Variants in BCKDHB observed in about 807,000 individuals in gnomAD.
BCKDHB encodes branched chain keto acid dehydrogenase E1 subunit beta.
In BCKDHB, 41 loss-of-function variants were observed where a neutral mutation model predicts 48.5. The observed-to-expected ratio is 0.85, with a 90% CI of 0.66 to 1.10. The LOEUF is 1.10. Among genes scored for constraint, BCKDHB ranks in the 50% least tolerant of loss-of-function variants. BCKDHB has a pLI of 0.00. For synonymous variants in BCKDHB, 201 were observed against 174.8 expected, an observed-to-expected ratio of 1.15 and a Z score of -1.18; for missense variants, 496 against 494.2, an observed-to-expected ratio of 1.00 and a Z score of -0.03.
intron 9 of BCKDHB, among the ~76,000 whole-genome samples, chr6:80,277,597 T>C (rs1190572943): frequency 6.6e-6 from 1 of 151,934 alleles, no homozygotes. Flanking sequence ...TCTCCTGCTT[T>C]GGATTCAGTG....
chr6:80,406,778 T>A, the BCKDHB span, among the ~76,000 whole-genome samples: 1 of 152,254 alleles, frequency 6.6e-6, no homozygotes, highest in Non-Finnish European at 1.5e-5. Flanking sequence ...ATAGGTAGAT[T>A]GCAAAAATTT....
chr6:80,440,840 A>G, the BCKDHB span: 1 of 152,110 alleles, frequency 6.6e-6, no homozygotes, highest in African/African-American at 2.4e-5. Flanking sequence ...GACTGATGAT[A>G]AGGTTCGGAG....
At chr6:80,150,142 C>T (rs1301751320) in intron 3 of BCKDHB, among the ~76,000 whole-genome samples, 3 of 152,116 alleles carry the variant, frequency 2.0e-5, no homozygotes, top group Non-Finnish European at 2.9e-5. Flanking sequence ...CTCTGTCCCT[C>T]AGAAGGCCCT....
intron 8 of BCKDHB, among the ~76,000 whole-genome samples, chr6:80,210,231 G>T (rs7771726): frequency 0.083 from 12,248 of 147,850 alleles, 561 homozygotes; most frequent in South Asian, 0.11. Context: ...ACTAGAGAAT[G>T]GATCAATAAT....
At chr6:80,339,792 T>C (rs1769798326) in intron 9 of BCKDHB, among the ~76,000 whole-genome samples, 1 of 152,242 alleles carries the variant, frequency 6.6e-6, no homozygotes, top group Admixed American at 6.5e-5. Flanking sequence ...TGTCAAACCT[T>C]GATAATCCAA....
At chr6:80,426,748 T>C in the BCKDHB span, among the ~76,000 whole-genome samples, 1 of 152,268 alleles carries the variant, frequency 6.6e-6, no homozygotes, top group African/African-American at 2.4e-5. Context: ...AGAATATAGT[T>C]TATTTTGTAA....
intron 8 of BCKDHB, among the ~76,000 whole-genome samples, chr6:80,270,283 C>T (rs1777681891): frequency 6.6e-6 from 1 of 152,052 alleles, no homozygotes; most frequent in Admixed American, 6.6e-5. Context: ...TGACATAATA[C>T]ATTTTAATAC....
chr6:80,396,113 C>T, the BCKDHB span, among the ~76,000 whole-genome samples: 3 of 152,210 alleles, frequency 2.0e-5, no homozygotes, highest in South Asian at 2.1e-4. Flanking sequence ...GTGGTTGGAG[C>T]TCCCACACAG....
At chr6:80,232,884 A>C (rs1024595997) in intron 8 of BCKDHB, among the ~76,000 whole-genome samples, 17 of 151,844 alleles carry the variant, frequency 1.1e-4, no homozygotes, top group African/African-American at 3.9e-4. Context: ...AAATTGCTTG[A>C]GTCTTTTAAT....
Position 80,229,453 on chromosome 6 carries a change from C to T in BCKDHB, c.951+26241C>T, listed in dbSNP as rs144417480. Among the ~76,000 whole-genome samples the T allele has an allele frequency of 4.6e-5, 7 of 152,038 alleles. No individual in the cohort carries two copies. In the East Asian group the frequency reaches 1.2e-3, roughly 25 times the overall value. On this transcript the variant is annotated intron_variant, in intron 8 of 9. Coordinates refer to ENST00000320393, the MANE Select transcript of BCKDHB (RefSeq NM_183050.4). ...TATGTTTGTCCTATTGGAGGAACAG[C>T]AATAAGCTTGGTGTGGTTGTAGTCG...
At chr6:80,356,960 C>G in the BCKDHB span, 1 of 132,842 alleles carries the variant, frequency 7.5e-6, no homozygotes, top group African/African-American at 3.0e-5. Context: ...CCGCCCCCCC[C>G]CCACACACAC....
At chr6:80,436,345 G>A in the BCKDHB span, among the ~76,000 whole-genome samples, 1 of 151,644 alleles carries the variant, frequency 6.6e-6, no homozygotes, top group Non-Finnish European at 1.5e-5. Flanking sequence ...TGTATTTTTA[G>A]TAGAGATGGG....
At chr6:80,211,826 G>A (rs1214217911) in intron 8 of BCKDHB, among the ~76,000 whole-genome samples, 4 of 152,120 alleles carry the variant, frequency 2.6e-5, no homozygotes, top group African/African-American at 9.7e-5. Context: ...CTGGGCCACC[G>A]GGGGTGACAT....
rs71553605 is a variant in BCKDHB at position 80,344,084 on chromosome 6, TC to T, written c.*286del. Reference sequence around the variant, plus strand: ...GGTGCAATCTCAGCTCACTGCAACCTCCCCCCTACCCCTGAGTTCAAGCGAT... The same window carrying T: ...GGTGCAATCTCAGCTCACTGCAACCTCCCCCTACCCCTGAGTTCAAGCGAT... On this transcript the variant is annotated 3_prime_UTR_variant, in exon 10 of 10. Coordinates refer to ENST00000320393, the MANE Select transcript of BCKDHB (RefSeq NM_183050.4). 9.4e-6 allele frequency: 4 copies of T among 427,492 alleles called. No homozygotes were observed. Among genetic ancestry groups the T allele is most frequent in the Non-Finnish European group, 1.7e-5 (4 of 230,298 alleles). The allele number at this position is 427,492 out of a possible 1,614,324, so 26.5% of individuals were successfully genotyped here.
the BCKDHB span, among the ~76,000 whole-genome samples, chr6:80,423,328 G>A: frequency 1.3e-5 from 2 of 152,134 alleles, no homozygotes; most frequent in African/African-American, 2.4e-5. Flanking sequence ...AAATTACCCA[G>A]TCTCAGGTAG....
At chr6:80,349,899 T>C (rs1180730076), downstream of BCKDHB, among the ~76,000 whole-genome samples, 4 of 152,144 alleles carry the variant, frequency 2.6e-5, no homozygotes, top group East Asian at 7.7e-4. Flanking sequence ...GATATTTTGG[T>C]TATATACATA....
Position 80,225,888 on chromosome 6 carries a change from G to GT in BCKDHB, c.951+22680dup, listed in dbSNP as rs1775657523. ...CCTACTCAGTATTGTTATTAGCATT[G>GT]TTTTGTCCATTACCAACCATTCACC... On this transcript the variant is annotated intron_variant, in intron 8 of 9. Transcript: ENST00000320393. Among the ~76,000 whole-genome samples, 4 of 152,090 alleles carry GT rather than the reference G, an allele frequency of 2.6e-5. No homozygotes were observed. In the South Asian group the frequency reaches 6.2e-4, roughly 24 times the overall value.
intron 1 of BCKDHB, among the ~76,000 whole-genome samples, chr6:80,125,604 T>G (rs1743168811): frequency 6.6e-6 from 1 of 152,160 alleles, no homozygotes; most frequent in African/African-American, 2.4e-5. Flanking sequence ...ACTTGAAAAC[T>G]TAGAGATCAC....
chr6:80,264,172 C>T (rs1199156476), intron 8 of BCKDHB, among the ~76,000 whole-genome samples: 1 of 152,144 alleles, frequency 6.6e-6, no homozygotes, highest in East Asian at 1.9e-4. Context: ...CTTGGGTATG[C>T]TTTGCCCTAG....
Sources: gnomAD v4.1 joint callset for allele counts (sites outside exome capture counted in the v4.1 genomes callset) on GRCh38, gnomAD v4.1.1 for gene constraint, MANE v1.5 for transcripts, NCBI Gene and HGNC (gene_info 2026-07-23, HGNC 2026-07-21) for gene names.